The following STAU1 variants were observed in gnomAD, a reference collection of about 807,000 sequenced individuals.
STAU1 encodes the protein staufen double-stranded RNA binding protein 1.
STAU1 carries 13 observed loss-of-function variants against 62.9 expected under a neutral mutation model. The observed-to-expected ratio is 0.21, with a 90% CI of 0.13 to 0.33. STAU1 has a LOEUF of 0.33. STAU1 is among the 10% of genes least tolerant of loss of function. STAU1 has a pLI of 1.00. For synonymous variants in STAU1, 269 were observed against 265.1 expected, an observed-to-expected ratio of 1.01 and a Z score of -0.14; for missense variants, 571 against 712.1, an observed-to-expected ratio of 0.80 and a Z score of 2.25.
chr20:49,135,138 G>A (rs2092848757), intron 6 of STAU1: 1 of 780,434 alleles, frequency 1.3e-6, no homozygotes, highest in Non-Finnish European at 2.2e-6. Flanking sequence ...GTCTTTACTT[G>A]AAAAACTCTT....
chr20:49,123,314 A>C (rs950755308), intron 7 of STAU1, 79 bp from the exon 8 acceptor site: 1 of 1,595,712 alleles, frequency 6.3e-7, no homozygotes, highest in East Asian at 2.3e-5. Context: ...AGGATATGAG[A>C]GGAGATAAGA....
At chr20:49,198,945 A>G in the STAU1 span, among the ~76,000 whole-genome samples, 6 of 151,956 alleles carry the variant, frequency 3.9e-5, no homozygotes, top group Admixed American at 3.3e-4. Context: ...CCTGGGTGAC[A>G]GAACAAGATG....
chr20:49,194,482 G>A, the STAU1 span, among the ~76,000 whole-genome samples: 1 of 151,466 alleles, frequency 6.6e-6, no homozygotes, highest in Admixed American at 6.6e-5. Context: ...AAACTGGCCA[G>A]GCATGGTCAC....
intron 2 of STAU1, among the ~76,000 whole-genome samples, chr20:49,168,759 T>G (rs774509650): frequency 1.3e-5 from 2 of 152,150 alleles, no homozygotes; most frequent in Non-Finnish European, 2.9e-5. Flanking sequence ...GAGACATTTT[T>G]TGGTTGTCAC....
In STAU1 at chr20:49,114,267, A is replaced by G. The variant is rs774389516; in HGVS notation, c.*611T>C. On this transcript the variant is annotated 3_prime_UTR_variant, in exon 14 of 14. Coordinates refer to ENST00000371856, the MANE Select transcript of STAU1 (RefSeq NM_017453.4). ...TCAAATGAAAATTTTATATAGTGTC[A>G]TATCAATCAAAAGAAAATAATGAAA... The G allele has an allele frequency of 6.5e-6, 1 of 152,768 alleles. No individual in the cohort carries two copies. The highest frequency in any genetic ancestry group is 1.5e-5 in the Non-Finnish European group (1 of 68,118). 9.5% of individuals were successfully genotyped at this position (152,768 alleles called of 1,614,324 possible). A position where few individuals can be genotyped will look rare whatever the true frequency, so the allele number is the denominator to read the frequency against.
In STAU1 at chr20:49,117,764, G is replaced by T. The variant is rs1332112333; in HGVS notation, c.1509+13C>A. Reference sequence around the variant, plus strand: ...CTGAGGCACAGCCATCACAGCTCAGGCCAGACAGTTACCTGGAATCCCTGG... The same window carrying T: ...CTGAGGCACAGCCATCACAGCTCAGTCCAGACAGTTACCTGGAATCCCTGG... On this transcript the variant is annotated intron_variant, in intron 11 of 13. Transcript: ENST00000371856. This position sits in a 1 kb window ranked among gnomAD's most constrained non-coding sequence, Gnocchi z 4.6. 1 of 1,597,190 alleles carries T rather than the reference G, an allele frequency of 6.3e-7. No individual in the cohort carries two copies. Among genetic ancestry groups the T allele is most frequent in the East Asian group, 2.2e-5 (1 of 44,722 alleles).
At position 49,117,032 on chromosome 20, in the gene STAU1, TCTCCCATCTTC is replaced by T; in HGVS notation, c.1632+83_1632+93del. On this transcript the variant is annotated intron_variant, in intron 12 of 13. Transcript: ENST00000371856. This position sits in a 1 kb window ranked among gnomAD's most constrained non-coding sequence, Gnocchi z 4.6. ...CTCTCAAGGTCTATGGGACAATCTT[TCTCCCATCTTC>T]CTCAGGCTAGTAACAAGCTGAACCA... is the stretch of plus-strand genomic sequence containing the variant. The T allele has an allele frequency of 6.7e-7, 1 of 1,499,868 alleles. No individual in the cohort carries two copies. The highest frequency in any genetic ancestry group is 2.3e-5 in the East Asian group (1 of 43,952). The allele number at this position is 1,499,868 out of a possible 1,614,324, so 92.9% of individuals were successfully genotyped here.
intron 8 of STAU1, among the ~76,000 whole-genome samples, chr20:49,121,956 C>A (rs1018510618): frequency 1.3e-5 from 2 of 152,162 alleles, no homozygotes; most frequent in African/African-American, 4.8e-5. Flanking sequence ...GACTAAATTC[C>A]AACCTGGCCA....
chr20:49,135,958 GCTCTTATTAAAA>G, intron 5 of STAU1, 27 bp from the exon 6 acceptor site: 1 of 1,574,926 alleles, frequency 6.3e-7, no homozygotes, highest in Non-Finnish European at 8.7e-7. Context: ...TTAGTAGTTA[GCTCTTATTAAAA>G]TAGTCAATGG....
At chr20:49,163,206 T>C (rs1483591706) in intron 3 of STAU1, among the ~76,000 whole-genome samples, 3 of 151,214 alleles carry the variant, frequency 2.0e-5, no homozygotes, top group African/African-American at 7.3e-5. Context: ...AAAAAAAAAA[T>C]TGACACTGAC....
At chr20:49,165,524 C>T (rs961548641) in intron 3 of STAU1, among the ~76,000 whole-genome samples, 1 of 151,538 alleles carries the variant, frequency 6.6e-6, no homozygotes, top group African/African-American at 2.4e-5. Context: ...TTTGTAGAGG[C>T]AGGGTTTCAC....
At chr20:49,198,803 A>G in the STAU1 span, among the ~76,000 whole-genome samples, 141 of 152,238 alleles carry the variant, frequency 9.3e-4, no homozygotes, top group African/African-American at 3.3e-3. Flanking sequence ...CTCTACTAGA[A>G]ATACAAAAAA....
chr20:49,165,984 T>C lies in STAU1; in HGVS notation c.205+13A>G. 1.9e-6 allele frequency: 3 copies of C among 1,613,294 alleles called. No individual in the cohort carries two copies. The highest frequency in any genetic ancestry group is 2.5e-6 in the Non-Finnish European group (3 of 1,179,210). On this transcript the variant is annotated intron_variant, in intron 3 of 13. Transcript: ENST00000371856. ...ACATTTGAAATAGAAGACACTTGGA[T>C]TCATATGCTTACCTGCAGCTGCACT...
At chr20:49,214,833 C>A in the STAU1 span, among the ~76,000 whole-genome samples, 3 of 152,320 alleles carry the variant, frequency 2.0e-5, no homozygotes, top group Non-Finnish European at 4.4e-5. Flanking sequence ...CCTCCTAATG[C>A]ATCAGTTGGG....
the STAU1 span, among the ~76,000 whole-genome samples, chr20:49,216,539 A>C: frequency 3.3e-5 from 4 of 122,156 alleles, no homozygotes; most frequent in African/African-American, 5.1e-5. Flanking sequence ...AAAATAAGTA[A>C]TTAATTAAAA....
At chr20:49,186,070 G>A (rs893654020) in intron 1 of STAU1, among the ~76,000 whole-genome samples, 1 of 152,026 alleles carries the variant, frequency 6.6e-6, no homozygotes, top group African/African-American at 2.4e-5. Flanking sequence ...AAAGTTCTGG[G>A]ATTACAGGCG....
chr20:49,130,015 GATGTATATAA>G (rs1372315481), intron 6 of STAU1, among the ~76,000 whole-genome samples: 2 of 152,110 alleles, frequency 1.3e-5, no homozygotes, highest in African/African-American at 4.8e-5. Flanking sequence ...TGTCTCCACA[GATGTATATAA>G]ATGTTTACAG....
At chr20:49,138,152 G>A (rs1020695479) in intron 5 of STAU1, among the ~76,000 whole-genome samples, 2 of 151,974 alleles carry the variant, frequency 1.3e-5, no homozygotes, top group East Asian at 1.9e-4. Context: ...GTGCGGTGTC[G>A]CACATCTGTG....
intron 5 of STAU1, among the ~76,000 whole-genome samples, chr20:49,143,482 A>T (rs1420115231): frequency 6.6e-6 from 1 of 152,200 alleles, no homozygotes; most frequent in Non-Finnish European, 1.5e-5. Flanking sequence ...AGTCCCAGCT[A>T]CGAGGGAGAC....
Sources: gnomAD v4.1 joint callset for allele counts (sites outside exome capture counted in the v4.1 genomes callset) on GRCh38, gnomAD v4.1.1 for gene constraint, Gnocchi (gnomAD v3.1) non-coding constraint, MANE v1.5 for transcripts, NCBI Gene and HGNC (gene_info 2026-07-23, HGNC 2026-07-21) for gene names.